ZNF469: variants seen among roughly 807,000 people sequenced by gnomAD.
The protein encoded by ZNF469 is zinc finger protein 469.
Under a neutral mutation model 1.0 loss-of-function variants are expected in ZNF469, and 1 was observed. That is an observed-to-expected ratio of 1.00 (90% CI 0.35 to 4.73). The LOEUF (loss-of-function observed/expected upper bound fraction) is 4.73, where lower values mean the gene tolerates loss of function less well. Ranked by LOEUF, ZNF469 falls within the 30% of genes most tolerant of loss-of-function variation. The probability of loss-of-function intolerance (pLI) is 0.16; values close to 1 mark genes in which losing one functional copy is unlikely to be tolerated. For missense variants in ZNF469, 6,100 were observed against 5,356.3 expected (o/e 1.14, Z -4.33); for synonymous variants, 2,703 against 2,363.4 (o/e 1.14, Z -4.17).
chr16:88,401,096 C>G (rs1236493238), intron 1 of ZNF469, among the ~76,000 whole-genome samples: 2 of 152,124 alleles, frequency 1.3e-5, no homozygotes, highest in Non-Finnish European at 2.9e-5. Context: ...ACTCAGTAGT[C>G]TCAAGCAGAA....
In ZNF469 at chr16:88,435,150, G is replaced by A. The variant is rs1906480781; in HGVS notation, c.7680G>A (p.Glu2560=). The A allele has an allele frequency of 2.6e-6, 4 of 1,550,220 alleles. No homozygotes were observed. Among genetic ancestry groups the A allele is most frequent in the Non-Finnish European group, 3.5e-6 (4 of 1,146,978 alleles). The part of the protein sequence containing the change: ...TQPPPAQGSK[E]VLRAPGSPHS... ...CACCGCCTGCCCAGGGCTCAAAGGA[G>A]GTTCTCAGAGCACCGGGGTCCCCAC... The change falls in exon 3 of 3, where the codon GAG becomes GAA. Residue 2560 remains glutamate, a synonymous_variant. Coordinates refer to ENST00000565624, the MANE Select transcript of ZNF469 (RefSeq NM_001367624.2).
chr16:88,355,749 G>A, the ZNF469 span, among the ~76,000 whole-genome samples: 1 of 152,238 alleles, frequency 6.6e-6, no homozygotes, highest in South Asian at 2.1e-4. Flanking sequence ...CTCAGACCCA[G>A]CATGGCGACA....
At position 88,434,967 on chromosome 16, in the gene ZNF469, G is replaced by A. The variant is rs768288160; in HGVS notation, c.7497G>A (p.Pro2499=). Residue 2499 remains proline (P), a synonymous_variant, in exon 3 of 3, where the codon CCG becomes CCA. Transcript: ENST00000565624. ...AGGCCAGGAAGCACCGGCCACACCC[G>A]GGAGCCCCCGCGGAGCCGAGCCCAG... is the stretch of plus-strand genomic sequence containing the variant. ...RHKARKHRPH[P]GAPAEPSPAA... is the part of the protein sequence containing the mutation. The A allele has an allele frequency of 5.4e-5, 83 of 1,549,912 alleles. No individual in the cohort carries two copies. The highest frequency in any genetic ancestry group is 1.9e-4 in the African/African-American group (14 of 73,184).
Position 88,398,652 on chromosome 16 carries a change from G to A in ZNF469, c.-192+15398G>A, listed in dbSNP as rs553616564. 3.9e-3 allele frequency among the ~76,000 whole-genome samples: 567 copies of A among 144,296 alleles called. 3 individuals are homozygous for A. Among genetic ancestry groups the A allele is most frequent in the Middle Eastern group, 0.02 (5 of 254 alleles). The allele number at this position is 144,296 out of a possible 152,430, so 94.7% of individuals were successfully genotyped here. On this transcript the variant is annotated intron_variant, in intron 1 of 2. Transcript: ENST00000565624. Reference sequence around the variant, plus strand: ...ACATATGAGCCACAGATGAAGGGGGGGTGTGAGCCACAGATGAGGGGACAC... The same window carrying A: ...ACATATGAGCCACAGATGAAGGGGGAGTGTGAGCCACAGATGAGGGGACAC...
intron 2 of ZNF469, among the ~76,000 whole-genome samples, chr16:88,426,450 A>G (rs1905705343): frequency 6.6e-6 from 1 of 152,284 alleles, no homozygotes; most frequent in Admixed American, 6.5e-5. Context: ...GTCCGCACAG[A>G]GGACAGTCCC....
chr16:88,190,609 G>A, the ZNF469 span, among the ~76,000 whole-genome samples: 1 of 152,208 alleles, frequency 6.6e-6, no homozygotes, highest in Non-Finnish European at 1.5e-5. Context: ...AGCTATTGAA[G>A]ACTCCAGGCT....
the ZNF469 span, among the ~76,000 whole-genome samples, chr16:88,355,979 C>G: frequency 6.6e-6 from 1 of 152,150 alleles, no homozygotes; most frequent in South Asian, 2.1e-4. Context: ...GCCTGGCAGA[C>G]GTCCCATATG....
At chr16:88,343,064 G>A in the ZNF469 span, among the ~76,000 whole-genome samples, 13,791 of 152,052 alleles carry the variant, frequency 0.091, 755 homozygotes, top group South Asian at 0.15. Flanking sequence ...AAGCATAGGC[G>A]TCCTGTCTCA....
the ZNF469 span, among the ~76,000 whole-genome samples, chr16:88,374,009 A>T: frequency 6.6e-6 from 1 of 152,106 alleles, no homozygotes. Context: ...AAAATTAAAA[A>T]AAAAAAAGAG....
the ZNF469 span, among the ~76,000 whole-genome samples, chr16:88,288,491 A>G: frequency 2.6e-5 from 4 of 152,174 alleles, no homozygotes; most frequent in Non-Finnish European, 4.4e-5. Context: ...GCTACACTCT[A>G]TGATATTTAT....
the ZNF469 span, among the ~76,000 whole-genome samples, chr16:88,214,151 G>A: frequency 6.6e-6 from 1 of 152,172 alleles, no homozygotes; most frequent in African/African-American, 2.4e-5. Flanking sequence ...AAGCATGGAG[G>A]CACATGAATT....
chr16:88,112,409 C>T, the ZNF469 span, among the ~76,000 whole-genome samples: 22 of 152,170 alleles, frequency 1.4e-4, no homozygotes, highest in African/African-American at 3.4e-4. Context: ...CAACGGGGTA[C>T]GAGGGTTCCC....
chr16:88,385,831 C>T (rs1218200351), intron 1 of ZNF469, among the ~76,000 whole-genome samples: 1 of 151,966 alleles, frequency 6.6e-6, no homozygotes, highest in East Asian at 1.9e-4. Flanking sequence ...AATGGGGAGC[C>T]CTCACAGGGG....
chr16:88,199,182 G>A, the ZNF469 span, among the ~76,000 whole-genome samples: 2 of 152,302 alleles, frequency 1.3e-5, no homozygotes, highest in South Asian at 2.1e-4. Flanking sequence ...GGACCTCACG[G>A]TCAAGGGCAT....
the ZNF469 span, among the ~76,000 whole-genome samples, chr16:88,187,218 T>C: frequency 6.6e-6 from 1 of 152,066 alleles, no homozygotes; most frequent in Non-Finnish European, 1.5e-5. Flanking sequence ...GCAGCTCTTC[T>C]TTGCCTGGGG....
chr16:88,183,200 G>C, the ZNF469 span, among the ~76,000 whole-genome samples: 1 of 152,232 alleles, frequency 6.6e-6, no homozygotes, highest in African/African-American at 2.4e-5. Flanking sequence ...CGCGCGCCTG[G>C]AGTCGCGGGC....
the ZNF469 span, among the ~76,000 whole-genome samples, chr16:88,320,149 A>G: frequency 2.0e-5 from 3 of 152,396 alleles, no homozygotes; most frequent in Admixed American, 6.5e-5. Context: ...TTGCCGTGGC[A>G]GAAGTTAAAC....
At chr16:88,241,707 C>A in the ZNF469 span, among the ~76,000 whole-genome samples, 1 of 152,176 alleles carries the variant, frequency 6.6e-6, no homozygotes, top group Non-Finnish European at 1.5e-5. This position sits in a 1 kb window ranked among gnomAD's most constrained non-coding sequence, Gnocchi z 4.8. Context: ...CATGGCCTCT[C>A]CACCATGCAC....
chr16:88,389,219 A>G (rs1599344315), intron 1 of ZNF469, among the ~76,000 whole-genome samples: 1 of 152,120 alleles, frequency 6.6e-6, no homozygotes, highest in Non-Finnish European at 1.5e-5. Context: ...CTGCCTGTGG[A>G]TTTGTGCATT....
Sources: allele counts gnomAD v4.1 joint callset (sites outside exome capture counted in the v4.1 genomes callset), GRCh38; gene constraint gnomAD v4.1.1; non-coding constraint Gnocchi (gnomAD v3.1); transcripts MANE v1.5; gene names NCBI Gene and HGNC (gene_info 2026-07-23, HGNC 2026-07-21).